Variants in SLC6A11 observed in about 807,000 individuals in gnomAD.
SLC6A11 encodes the protein solute carrier family 6 member 11, also known as sodium- and chloride-dependent GABA transporter 3.
SLC6A11 carries 25 observed loss-of-function variants against 74.8 expected under a neutral mutation model. That is an observed-to-expected ratio of 0.33 (90% confidence interval 0.24 to 0.47). SLC6A11 has a LOEUF of 0.47. SLC6A11 is among the 20% of genes least tolerant of loss of function. The pLI is 1.00. For missense variants in SLC6A11, 574 were observed against 837.0 expected (o/e 0.69, Z 3.88); for synonymous variants, 330 against 330.2 (o/e 1.00, Z 0.01).
At chr3:10,893,184 C>T (rs907118448) in intron 6 of SLC6A11, among the ~76,000 whole-genome samples, 1 of 152,130 alleles carries the variant, frequency 6.6e-6, no homozygotes, top group African/African-American at 2.4e-5. Flanking sequence ...CTAAGAAAGA[C>T]AGATGAGGAA....
intron 7 of SLC6A11, among the ~76,000 whole-genome samples, chr3:10,914,495 A>G (rs1294392482): frequency 3.3e-5 from 5 of 152,198 alleles, no homozygotes; most frequent in African/African-American, 1.2e-4. Context: ...GGGCAGGTCC[A>G]ACATGCTGAA....
At chr3:10,836,681 A>G (rs1379106876) in intron 4 of SLC6A11, among the ~76,000 whole-genome samples, 2 of 152,236 alleles carry the variant, frequency 1.3e-5, no homozygotes, top group African/African-American at 4.8e-5. Context: ...ACCCTTTCGT[A>G]TTCTACTAAG....
intron 6 of SLC6A11, among the ~76,000 whole-genome samples, chr3:10,909,405 G>A (rs1695354138): frequency 6.6e-6 from 1 of 152,182 alleles, no homozygotes; most frequent in Admixed American, 6.5e-5. Context: ...AAAATCATTG[G>A]TTTGGGGGAC....
chr3:10,850,141 C>T (rs972198959), intron 5 of SLC6A11, among the ~76,000 whole-genome samples: 9 of 152,098 alleles, frequency 5.9e-5, no homozygotes, highest in African/African-American at 2.2e-4. Flanking sequence ...ATAATTTATG[C>T]AAACAAATTC....
At chr3:10,820,421 C>T (rs1694123027) in intron 3 of SLC6A11, among the ~76,000 whole-genome samples, 1 of 152,174 alleles carries the variant, frequency 6.6e-6, no homozygotes, top group Admixed American at 6.5e-5. Context: ...ACCAGACCCA[C>T]CTTCCTGCTT....
At chr3:10,836,028 A>G (rs1694362652) in intron 4 of SLC6A11, among the ~76,000 whole-genome samples, 1 of 152,122 alleles carries the variant, frequency 6.6e-6, no homozygotes, top group African/African-American at 2.4e-5. Flanking sequence ...ATTAATCTCC[A>G]TTCCCACCTC....
rs1317792370 is a variant in SLC6A11, at chr3:10,918,344, C to T, written c.1011C>T (p.Leu337=). The change falls in exon 8 of 14, where the codon CTC becomes CTT. Residue 337 remains leucine (L), a synonymous_variant. Transcript: ENST00000254488. This position sits in a 1 kb window ranked among gnomAD's most constrained non-coding sequence, Gnocchi z 4.5. ...NNNCYRDCIM[L]CCLNSGTSFV... ...TTCCCCACAGGGACTGCATCATGCT[C>T]TGTTGCCTGAACAGCGGCACCAGCT... The T allele has an allele frequency of 6.2e-7, 1 of 1,604,984 alleles. No homozygotes were observed. The highest frequency in any genetic ancestry group is 8.5e-7 in the Non-Finnish European group (1 of 1,176,572).
At chr3:10,869,310 G>A (rs890154354) in intron 5 of SLC6A11, among the ~76,000 whole-genome samples, 1 of 152,176 alleles carries the variant, frequency 6.6e-6, no homozygotes, top group Non-Finnish European at 1.5e-5. Context: ...GCAACATCTG[G>A]GCAGACAGTG....
intron 6 of SLC6A11, among the ~76,000 whole-genome samples, chr3:10,889,672 G>T (rs1448756689): frequency 1.3e-5 from 2 of 152,186 alleles, no homozygotes; most frequent in Non-Finnish European, 2.9e-5. Context: ...TCCCAAGCCT[G>T]CTCAATCAGA....
rs1000592130 is a variant in SLC6A11 at position 10,934,228 on chromosome 3, G to A, written c.1575+62G>A. ...CCCACCCATCTACCCTCCAACCCACGTTTCCACTCCGTAGCCCCCACCCTG... is the reference window on the plus strand; with the variant it reads ...CCCACCCATCTACCCTCCAACCCACATTTCCACTCCGTAGCCCCCACCCTG... On this transcript the variant is annotated intron_variant, in intron 12 of 13. Transcript: ENST00000254488. 1.2e-5 allele frequency: 14 copies of A among 1,161,712 alleles called. No homozygotes were observed. In the African/African-American group the frequency reaches 1.2e-4, roughly 10 times the overall value. 72.0% of individuals were successfully genotyped at this position (1,161,712 alleles called of 1,614,324 possible). A position where few individuals can be genotyped will look rare whatever the true frequency, so the allele number is the denominator to read the frequency against.
chr3:10,822,005 G>A (rs1694144407), intron 3 of SLC6A11, among the ~76,000 whole-genome samples: 2 of 152,172 alleles, frequency 1.3e-5, no homozygotes, highest in Non-Finnish European at 2.9e-5. Flanking sequence ...GTTAGCACTT[G>A]CCAAGAGGAG....
At chr3:10,873,556 TACCCTACCCTACCCTACCCTACCCTAC>T (rs1694862567) in intron 5 of SLC6A11, among the ~76,000 whole-genome samples, 1 of 133,454 alleles carries the variant, frequency 7.5e-6, no homozygotes, top group Non-Finnish European at 1.6e-5. Flanking sequence ...TATCCTACCC[TACCCTACCCTACCCTACCCTACCCTAC>T]GCTATCCTAT....
chr3:10,876,721 A>C (rs2106606107), intron 6 of SLC6A11, among the ~76,000 whole-genome samples: 1 of 107,550 alleles, frequency 9.3e-6, no homozygotes, highest in East Asian at 2.9e-4. Flanking sequence ...GGTGGCACCT[A>C]CACCTTAAAC....
chr3:10,933,851 G>A (rs978210885), intron 11 of SLC6A11: 6 of 446,886 alleles, frequency 1.3e-5, no homozygotes, highest in African/African-American at 4.0e-5. Context: ...GGCCAGGAGA[G>A]CTCTCTCCAG....
intron 4 of SLC6A11, among the ~76,000 whole-genome samples, chr3:10,829,893 T>G (rs1694272281): frequency 6.6e-6 from 1 of 152,142 alleles, no homozygotes; most frequent in Non-Finnish European, 1.5e-5. Flanking sequence ...ACAGTAGGCA[T>G]GGTGAGCTTT....
intron 8 of SLC6A11, among the ~76,000 whole-genome samples, chr3:10,921,671 C>G (rs934651838): frequency 2.8e-4 from 43 of 151,832 alleles, no homozygotes; most frequent in African/African-American, 9.9e-4. Context: ...ACCAGATACA[C>G]TAATTAAAAG....
intron 5 of SLC6A11, among the ~76,000 whole-genome samples, chr3:10,874,019 C>CT (rs1208020669): frequency 5.3e-5 from 7 of 131,332 alleles, no homozygotes; most frequent in Non-Finnish European, 9.9e-5. Flanking sequence ...TATGCTATAC[C>CT]ATCCTATCCT....
At chr3:10,913,121 A>C (rs180751684) in intron 7 of SLC6A11, among the ~76,000 whole-genome samples, 172 of 150,126 alleles carry the variant, frequency 1.1e-3, no homozygotes, top group Non-Finnish European at 1.9e-3. Flanking sequence ...TCATCAAATT[A>C]GATTCTCATA....
chr3:10,863,498 C>G (rs564465604), intron 5 of SLC6A11, among the ~76,000 whole-genome samples: 1 of 152,338 alleles, frequency 6.6e-6, no homozygotes, highest in East Asian at 1.9e-4. Context: ...CAGCCACATG[C>G]ACACAGAGTG....
Sources: allele counts gnomAD v4.1 joint callset (sites outside exome capture counted in the v4.1 genomes callset), GRCh38; gene constraint gnomAD v4.1.1; non-coding constraint Gnocchi (gnomAD v3.1); transcripts MANE v1.5; gene names NCBI Gene and HGNC (gene_info 2026-07-23, HGNC 2026-07-21).